PLD2: variants seen among roughly 807,000 people sequenced by gnomAD.
PLD2 encodes the protein choline phosphatase 2.
A neutral mutation model predicts 119.8 loss-of-function variants in PLD2; 101 were observed. That is an observed-to-expected ratio of 0.84 (90% CI 0.72 to 0.99). The LOEUF is 0.99. Ranked by LOEUF, PLD2 falls within the 50% of genes least tolerant of loss-of-function variation. The pLI, the probability that PLD2 is intolerant of heterozygous loss-of-function variation, is 0.00. For missense variants in PLD2, 1,164 were observed against 1,226.8 expected (o/e 0.95, Z 0.76); for synonymous variants, 494 against 482.8 (o/e 1.02, Z -0.30).
rs1347351365 is a variant in PLD2 at position 4,819,413 on chromosome 17, C to T, written c.2309-16C>T. 2.5e-6 allele frequency: 4 copies of T among 1,611,872 alleles called. No individual in the cohort carries two copies. The highest frequency in any genetic ancestry group is 2.2e-5 in the South Asian group (2 of 90,802). ...CCCTGGGCCCAAGCACACAGTGTGC[C>T]CCGCATCCACCCCAGGTTCTGCAAA... On this transcript the variant is annotated splice_polypyrimidine_tract_variant and intron_variant, in intron 22 of 24. Transcript: ENST00000263088. The surrounding 1 kb of genome is among the most constrained non-coding windows in gnomAD (Gnocchi z 4.2).
intron 12 of PLD2, 25 bp downstream of exon 12, chr17:4,814,736 G>T (rs182048608): frequency 1.2e-6 from 2 of 1,606,960 alleles, no homozygotes; most frequent in Non-Finnish European, 1.7e-6. Context: ...CAGGCCGCAG[G>T]GGGAGGGGGT....
chr17:4,819,138 A>T lies in PLD2; in HGVS notation c.2228A>T (p.Glu743Val). ...ATCTGCGGGCTTCGTACACACGGAG[A>T]GCTGGGCGGGCACCCCGTCTCGGAG... ...ISICGLRTHGELGGHPVSELI... is the reference protein window; with the variant it reads ...ISICGLRTHGVLGGHPVSELI... The change falls in exon 22 of 25, where the codon GAG (glutamate) becomes GTG (valine). Residue 743 changes from glutamate to valine, a missense_variant. Physicochemically the swap from Glu to Val is moderately radical, Grantham distance 121. Transcript: ENST00000263088. The surrounding 1 kb of genome is among the most constrained non-coding windows in gnomAD (Gnocchi z 4.2). 6.2e-7 allele frequency: 1 copy of T among 1,614,084 alleles called. No individual in the cohort carries two copies. The highest frequency in any genetic ancestry group is 8.5e-7 in the Non-Finnish European group (1 of 1,180,014).
At position 4,807,519 on chromosome 17, in the gene PLD2, C is replaced by T; in HGVS notation, c.-1-253C>T. On this transcript the variant is annotated intron_variant, in intron 1 of 24. Transcript: ENST00000263088. The surrounding 1 kb of genome is among the most constrained non-coding windows in gnomAD (Gnocchi z 5.4). ...CCTTCCGGGCCTGGCTGGGTGTTCCCCGGGGCTCTGGTTACGGGACGGGGC... is the reference window on the plus strand; with the variant it reads ...CCTTCCGGGCCTGGCTGGGTGTTCCTCGGGGCTCTGGTTACGGGACGGGGC... The T allele has an allele frequency of 2.8e-6, 1 of 353,008 alleles. No homozygotes were observed. The highest frequency in any genetic ancestry group is 5.3e-6 in the Non-Finnish European group (1 of 187,426). The allele number at this position is 353,008 out of a possible 1,614,324, so 21.9% of individuals were successfully genotyped here. A position where few individuals can be genotyped will look rare whatever the true frequency, so the allele number is the denominator to read the frequency against.
chr17:4,818,486 C>T lies in PLD2; in HGVS notation c.2010-8C>T, dbSNP rs767354288. 2 of 1,607,974 alleles carry T rather than the reference C, an allele frequency of 1.2e-6. No homozygotes were observed. The highest frequency in any genetic ancestry group is 2.2e-5 in the East Asian group (1 of 44,834). ...CCAGTCGCACCTCTGACTCCACCCC[C>T]TCCCCAGACAGGGGTGGTGTTACCG... is the stretch of plus-strand genomic sequence containing the variant. On this transcript the variant is annotated splice_region_variant and splice_polypyrimidine_tract_variant and intron_variant, in intron 19 of 24. Transcript: ENST00000263088.
intron 23 of PLD2, chr17:4,821,563 T>G: frequency 2.9e-6 from 1 of 344,890 alleles, no homozygotes. Context: ...CTGGCTAATT[T>G]TTGTATTTTT....
chr17:4,816,200 G>A (rs1906954350), intron 14 of PLD2, among the ~76,000 whole-genome samples: 1 of 152,074 alleles, frequency 6.6e-6, no homozygotes, highest in East Asian at 1.9e-4. Flanking sequence ...TGACCGACAT[G>A]GTGAAACCCT....
rs1054893608 is a variant in PLD2, at chr17:4,810,902, C to T, written c.961C>T (p.His321Tyr). The change falls in exon 10 of 25, where the codon CAC becomes TAC. Residue 321 changes from histidine to tyrosine, a missense_variant. By Grantham distance (83) the His-to-Tyr change is moderately conservative (BLOSUM62 2). Coordinates refer to ENST00000263088, the MANE Select transcript of PLD2 (RefSeq NM_002663.5). ...CCCAGGCAGAGACTTCCTACAGCTG[C>T]ACCGGCATGACAGCTACGCCCCACC... is the stretch of plus-strand genomic sequence containing the variant. ...QGPGRDFLQL[H>Y]RHDSYAPPRP... The T allele has an allele frequency of 6.2e-7, 1 of 1,613,738 alleles. No individual in the cohort carries two copies. Among genetic ancestry groups the T allele is most frequent in the Non-Finnish European group, 8.5e-7 (1 of 1,179,920 alleles).
intron 14 of PLD2, 120 bp from the exon 15 acceptor site, chr17:4,816,500 C>T: frequency 9.5e-7 from 1 of 1,047,624 alleles, no homozygotes; most frequent in Non-Finnish European, 1.4e-6. Flanking sequence ...GGAATCAGAC[C>T]CTCTGTTTCA....
chr17:4,815,601 C>T lies in PLD2; in HGVS notation c.1284+15C>T, dbSNP rs748390041. Reference sequence around the variant, plus strand: ...CCAACATAAAGGTGACTCTCGGCCTCAGAGACCCTCCCACATGACAGCCCT... The same window carrying T: ...CCAACATAAAGGTGACTCTCGGCCTTAGAGACCCTCCCACATGACAGCCCT... On this transcript the variant is annotated intron_variant, in intron 13 of 24. Transcript: ENST00000263088. 20 of 1,600,234 alleles carry T rather than the reference C, an allele frequency of 1.2e-5. No individual in the cohort carries two copies. The East Asian group carries it at 3.8e-4, about 30-fold the overall frequency.
At position 4,808,229 on chromosome 17, in the gene PLD2, G is replaced by C. The variant is rs375905921; in HGVS notation, c.241-45G>C. ...GGAGGGCTGGCCAGAGTGGGGAGGC[G>C]GGGACCCACGCAGGGGACATCCATT... On this transcript the variant is annotated intron_variant, in intron 3 of 24. Coordinates refer to ENST00000263088, the MANE Select transcript of PLD2 (RefSeq NM_002663.5). This position sits in a 1 kb window ranked among gnomAD's most constrained non-coding sequence, Gnocchi z 4.1. 1 of 1,604,438 alleles carries C rather than the reference G, an allele frequency of 6.2e-7. No individual in the cohort carries two copies. Among genetic ancestry groups the C allele is most frequent in the Non-Finnish European group, 8.5e-7 (1 of 1,173,266 alleles).
chr17:4,819,052 C>T lies in PLD2; in HGVS notation c.2174-32C>T. On this transcript the variant is annotated intron_variant, in intron 21 of 24. Transcript: ENST00000263088. The surrounding 1 kb of genome is among the most constrained non-coding windows in gnomAD (Gnocchi z 4.2). Reference sequence around the variant, plus strand: ...ACAGGGCCCTGTGCACACAGAGCCACCTCTCACCTCACTTCCCCTCCTGTC... The same window carrying T: ...ACAGGGCCCTGTGCACACAGAGCCATCTCTCACCTCACTTCCCCTCCTGTC... 6.2e-7 allele frequency: 1 copy of T among 1,612,504 alleles called. No homozygotes were observed. Among genetic ancestry groups the T allele is most frequent in the African/African-American group, 1.3e-5 (1 of 75,036 alleles).
rs889841166 is a variant in PLD2, at chr17:4,823,146, G to C, written c.*282G>C. On this transcript the variant is annotated 3_prime_UTR_variant, in exon 25 of 25. Transcript: ENST00000263088. ...GCTGCAAAGGAGAAGCACAGCTCCT[G>C]CCAGGGTGAGCAGGGTCAAGCCTCT... 2 of 361,572 alleles carry C rather than the reference G, an allele frequency of 5.5e-6. No individual in the cohort carries two copies. Among genetic ancestry groups the C allele is most frequent in the Non-Finnish European group, 5.0e-6 (1 of 200,108 alleles). The allele number at this position is 361,572 out of a possible 1,614,324, so 22.4% of individuals were successfully genotyped here. A position where few individuals can be genotyped will look rare whatever the true frequency, so the allele number is the denominator to read the frequency against.
At position 4,819,345 on chromosome 17, in the gene PLD2, A is replaced by C; in HGVS notation, c.2309-84A>C. 1 of 1,601,012 alleles carries C rather than the reference A, an allele frequency of 6.2e-7. No individual in the cohort carries two copies. Among genetic ancestry groups the C allele is most frequent in the Non-Finnish European group, 8.5e-7 (1 of 1,171,792 alleles). On this transcript the variant is annotated intron_variant, in intron 22 of 24. Coordinates refer to ENST00000263088, the MANE Select transcript of PLD2 (RefSeq NM_002663.5). The surrounding 1 kb of genome is among the most constrained non-coding windows in gnomAD (Gnocchi z 4.2). The stretch of plus-strand genomic sequence containing the variant: ...TGGAGGGTCCAAGAAGGAATGTTGC[A>C]GGCCAGTGCTTTGGTAGAGGGGATG...
At position 4,819,178 on chromosome 17, in the gene PLD2, CA is replaced by C. The variant is rs1177200653; in HGVS notation, c.2269del (p.Ser757AlafsTer34). ...CCGTCTCGGAGCTCATCTACATCCA[CA>C]GCAAGGTGCTCATCGCAGATGACCG... is the stretch of plus-strand genomic sequence containing the variant. Reference protein sequence around the residue: ...HPVSELIYIHSKVLIADDRTV... With the variant: ...HPVSELIYIHXKVLIADDRTV... On this transcript the variant is annotated frameshift_variant, in exon 22 of 25. Coordinates refer to ENST00000263088, the MANE Select transcript of PLD2 (RefSeq NM_002663.5). LOFTEE classifies it high-confidence loss of function. The surrounding 1 kb of genome is among the most constrained non-coding windows in gnomAD (Gnocchi z 4.2). 4 of 1,614,028 alleles carry C rather than the reference CA, an allele frequency of 2.5e-6. No individual in the cohort carries two copies. The highest frequency in any genetic ancestry group is 1.3e-5 in the African/African-American group (1 of 74,922).
Position 4,807,157 on chromosome 17 carries a change from C to T in PLD2, c.-70C>T, listed in dbSNP as rs1157559434. 6.6e-6 allele frequency: 1 copy of T among 151,402 alleles called. No homozygotes were observed. Among genetic ancestry groups the T allele is most frequent in the African/African-American group, 2.4e-5 (1 of 41,328 alleles). 9.4% of individuals were successfully genotyped at this position (151,402 alleles called of 1,614,324 possible). A position where few individuals can be genotyped will look rare whatever the true frequency, so the allele number is the denominator to read the frequency against. On this transcript the variant is annotated 5_prime_UTR_variant, in exon 1 of 25. Coordinates refer to ENST00000263088, the MANE Select transcript of PLD2 (RefSeq NM_002663.5). This position sits in a 1 kb window ranked among gnomAD's most constrained non-coding sequence, Gnocchi z 5.4. ...GGCCCCGCCTCGGCCGGGGCGTGGGCTCCGGCTGCAGCTCCGGTCTGCTCT... is the reference window on the plus strand; with the variant it reads ...GGCCCCGCCTCGGCCGGGGCGTGGGTTCCGGCTGCAGCTCCGGTCTGCTCT...
chr17:4,822,705 G>A lies in PLD2; in HGVS notation c.2643G>A (p.Val881=), dbSNP rs1414720670. The change falls in exon 25 of 25, where the codon GTG becomes GTA. Residue 881 remains valine (V), a synonymous_variant. Transcript: ENST00000263088. ...GGACTCTCCGGGAGTACGTGGCCGTGGAGCCCTTGGCCACGGTCAGTCCCC... is the reference window on the plus strand; with the variant it reads ...GGACTCTCCGGGAGTACGTGGCCGTAGAGCCCTTGGCCACGGTCAGTCCCC... ...SLRTLREYVA[V]EPLATVSPPL... is the part of the protein sequence containing the mutation. 4 of 1,614,178 alleles carry A rather than the reference G, an allele frequency of 2.5e-6. No individual in the cohort carries two copies. The highest frequency in any genetic ancestry group is 3.4e-6 in the Non-Finnish European group (4 of 1,180,030).
rs776757885 is a variant in PLD2, at chr17:4,819,923, G to T, written c.2462+341G>T. Reference sequence around the variant, plus strand: ...TCAGTTTAGAGTATCAGTAAAGCAGGAACACCAAAAAACAAAAAGAGAAAA... The same window carrying T: ...TCAGTTTAGAGTATCAGTAAAGCAGTAACACCAAAAAACAAAAAGAGAAAA... On this transcript the variant is annotated intron_variant, in intron 23 of 24. Transcript: ENST00000263088. The surrounding 1 kb of genome is among the most constrained non-coding windows in gnomAD (Gnocchi z 4.2). Among the ~76,000 whole-genome samples the T allele has an allele frequency of 6.6e-6, 1 of 151,920 alleles. No individual in the cohort carries two copies. Among genetic ancestry groups the T allele is most frequent in the African/African-American group, 2.4e-5 (1 of 41,392 alleles).
Position 4,816,673 on chromosome 17 carries a change from A to T in PLD2, c.1509A>T (p.Gln503His). ...SPATPDLSHN[Q>H]FFWLGKDYSN... ...CCACCCCAGACCTCTCTCACAACCA[A>T]TTCTTCTGGCTGGGCAAGGACTACA... Residue 503 changes from glutamine (Q) to histidine (H), a missense_variant, in exon 15 of 25, where the codon CAA (glutamine) becomes CAT (histidine). By Grantham distance (24) the Gln-to-His change is conservative (BLOSUM62 0). Transcript: ENST00000263088. 1 of 1,613,980 alleles carries T rather than the reference A, an allele frequency of 6.2e-7. No individual in the cohort carries two copies. Among genetic ancestry groups the T allele is most frequent in the Non-Finnish European group, 8.5e-7 (1 of 1,179,996 alleles).
In PLD2 at chr17:4,809,935, T is replaced by C. The variant is rs368961685; in HGVS notation, c.766T>C (p.Ser256Pro). ...LYMCLETGAI[S>P]FVQLFDPGFE... ...CATGTGCCTCGAGACAGGTGCCATC[T>C]CATTTGTTCAGCTCTTTGACCCTGG... Residue 256 changes from serine to proline, a missense_variant, in exon 9 of 25, where the codon TCA (serine) becomes CCA (proline). Physicochemically the swap from Ser to Pro is moderately conservative, Grantham distance 74. Coordinates refer to ENST00000263088, the MANE Select transcript of PLD2 (RefSeq NM_002663.5). 1 of 1,613,996 alleles carries C rather than the reference T, an allele frequency of 6.2e-7. No individual in the cohort carries two copies. The highest frequency in any genetic ancestry group is 8.5e-7 in the Non-Finnish European group (1 of 1,180,024).
Sources: gnomAD v4.1 joint callset for allele counts (sites outside exome capture counted in the v4.1 genomes callset) on GRCh38, gnomAD v4.1.1 for gene constraint, Gnocchi (gnomAD v3.1) non-coding constraint, MANE v1.5 for transcripts, NCBI Gene and HGNC (gene_info 2026-07-23, HGNC 2026-07-21) for gene names.